PUS1: variants seen among roughly 807,000 people sequenced by gnomAD.
PUS1 encodes pseudouridine synthase 1.
A neutral mutation model predicts 38.5 loss-of-function variants in PUS1; 25 were observed. That is an observed-to-expected ratio of 0.65 (90% CI 0.47 to 0.91). The LOEUF (loss-of-function observed/expected upper bound fraction) is 0.91. PUS1 is among the 40% of genes least tolerant of loss of function. The pLI is 0.00. For synonymous variants in PUS1, 282 were observed against 260.4 expected (o/e 1.08, Z -0.80); for missense variants, 597 against 612.3 (o/e 0.97, Z 0.26).
At position 131,929,961 on chromosome 12, in the gene PUS1, C is replaced by A; in HGVS notation, c.129C>A (p.Pro43=). 6.6e-7 allele frequency: 1 copy of A among 1,516,688 alleles called. No individual in the cohort carries two copies. The allele number at this position is 1,516,688 out of a possible 1,614,324, so 94.0% of individuals were successfully genotyped here. A position where few individuals can be genotyped will look rare whatever the true frequency, so the allele number is the denominator to read the frequency against. ...CGCCGCCCGCCGGAGCCGCATGCCC[C>A]CAGGACCGGAGGTCCTGCAGCGGCC... ...AEPPPAGAAC[P]QDRRSCSGRA... is the part of the protein sequence containing the mutation. Residue 43 remains proline (P), a synonymous_variant, in exon 2 of 6, where the codon CCC becomes CCA. Transcript: ENST00000376649.
Position 131,929,966 on chromosome 12 carries a change from A to T in PUS1, c.134A>T (p.Asp45Val), listed in dbSNP as rs1890514740. Residue 45 changes from aspartate (D) to valine (V), a missense_variant, in exon 2 of 6, where the codon GAC (aspartate) becomes GTC (valine). Coordinates refer to ENST00000376649, the MANE Select transcript of PUS1 (RefSeq NM_025215.6). ...PPPAGAACPQ[D>V]RRSCSGRAGG... ...CCCGCCGGAGCCGCATGCCCCCAGG[A>T]CCGGAGGTCCTGCAGCGGCCGGGCC... 1 of 1,516,908 alleles carries T rather than the reference A, an allele frequency of 6.6e-7. No homozygotes were observed. Among genetic ancestry groups the T allele is most frequent in the Non-Finnish European group, 8.7e-7 (1 of 1,143,042 alleles). 94.0% of individuals were successfully genotyped at this position (1,516,908 alleles called of 1,614,324 possible).
rs1891070506 is a variant in PUS1, at chr12:131,941,570, G to C, written c.823G>C (p.Glu275Gln). ...GTACTGCGAGGAACCCTTTGTGCGG[G>C]AGGGCCTGGAGTTTGCGGTGATCAG... is the stretch of plus-strand genomic sequence containing the variant. ...EMYCEEPFVR[E>Q]GLEFAVIRVK... Residue 275 changes from glutamate (E) to glutamine (Q), a missense_variant, in exon 5 of 6, where the codon GAG becomes CAG. Transcript: ENST00000376649. The surrounding 1 kb of genome is among the most constrained non-coding windows in gnomAD (Gnocchi z 4.4). 6.2e-7 allele frequency: 1 copy of C among 1,614,236 alleles called. No individual in the cohort carries two copies. The highest frequency in any genetic ancestry group is 1.3e-5 in the African/African-American group (1 of 75,058).
intron 5 of PUS1, among the ~76,000 whole-genome samples, chr12:131,942,544 C>T (rs1451583077): frequency 1.3e-5 from 2 of 152,172 alleles, no homozygotes; most frequent in East Asian, 1.9e-4. Context: ...GTAGCTGGGA[C>T]TACAGGCGCC....
intron 2 of PUS1, chr12:131,931,943 CTG>C: frequency 1.6e-6 from 1 of 629,664 alleles, no homozygotes. Context: ...TCAATCAAAC[CTG>C]TGTTTTGATT....
intron 3 of PUS1, chr12:131,932,893 A>G: frequency 2.4e-6 from 1 of 422,232 alleles, no homozygotes. Flanking sequence ...TGGGCAGTTT[A>G]TAAAGAAAAG....
intron 3 of PUS1, among the ~76,000 whole-genome samples, chr12:131,935,956 A>G (rs1566143923): frequency 6.6e-6 from 1 of 152,108 alleles, no homozygotes; most frequent in African/African-American, 2.4e-5. Flanking sequence ...CACGCCTGTA[A>G]TTCCAGCACT....
In PUS1 at chr12:131,941,111, G is replaced by A. The variant is rs576347357; in HGVS notation, c.545-181G>A. On this transcript the variant is annotated intron_variant, in intron 4 of 5. Coordinates refer to ENST00000376649, the MANE Select transcript of PUS1 (RefSeq NM_025215.6). This position sits in a 1 kb window ranked among gnomAD's most constrained non-coding sequence, Gnocchi z 4.4. ...ACTGCACCTGTCCCTCCTGTCCATC[G>A]TCCTCCTGTGCCTGTTCCCCAGCCT... The A allele has an allele frequency of 1.3e-5, 8 of 619,596 alleles. No individual in the cohort carries two copies. Among genetic ancestry groups the A allele is most frequent in the East Asian group, 5.5e-5 (2 of 36,408 alleles). The allele number at this position is 619,596 out of a possible 1,614,324, so 38.4% of individuals were successfully genotyped here. A position where few individuals can be genotyped will look rare whatever the true frequency, so the allele number is the denominator to read the frequency against.
Position 131,930,116 on chromosome 12 carries a change from A to G in PUS1, c.284A>G (p.Lys95Arg). Reference protein sequence around the residue: ...KIVLLMAYSGKGYHGMQRNVG... With the variant: ...KIVLLMAYSGRGYHGMQRNVG... The stretch of plus-strand genomic sequence containing the variant: ...GTGCTGCTCATGGCCTATTCGGGCA[A>G]GGGCTACCACGGCATGCAGGTGTGG... The change falls in exon 2 of 6, where the codon AAG becomes AGG. Residue 95 changes from lysine (K) to arginine (R), a missense_variant. Coordinates refer to ENST00000376649, the MANE Select transcript of PUS1 (RefSeq NM_025215.6). The G allele has an allele frequency of 7.0e-7, 1 of 1,428,102 alleles. No individual in the cohort carries two copies. The highest frequency in any genetic ancestry group is 1.6e-5 in the South Asian group (1 of 62,172). 88.5% of individuals were successfully genotyped at this position (1,428,102 alleles called of 1,614,324 possible). A position where few individuals can be genotyped will look rare whatever the true frequency, so the allele number is the denominator to read the frequency against.
Position 131,929,960 on chromosome 12 carries a change from C to T in PUS1, c.128C>T (p.Pro43Leu). Residue 43 changes from proline to leucine, a missense_variant, in exon 2 of 6, where the codon CCC becomes CTC. Coordinates refer to ENST00000376649, the MANE Select transcript of PUS1 (RefSeq NM_025215.6). ...AEPPPAGAAC[P>L]QDRRSCSGRA... ...CCGCCGCCCGCCGGAGCCGCATGCC[C>T]CCAGGACCGGAGGTCCTGCAGCGGC... 1 of 1,515,860 alleles carries T rather than the reference C, an allele frequency of 6.6e-7. No homozygotes were observed. Among genetic ancestry groups the T allele is most frequent in the Middle Eastern group, 1.9e-4 (1 of 5,138 alleles). 93.9% of individuals were successfully genotyped at this position (1,515,860 alleles called of 1,614,324 possible). A position where few individuals can be genotyped will look rare whatever the true frequency, so the allele number is the denominator to read the frequency against.
In PUS1 at chr12:131,941,846, G is replaced by C. The variant is rs767334298; in HGVS notation, c.1099G>C (p.Ala367Pro). 37 of 1,613,908 alleles carry C rather than the reference G, an allele frequency of 2.3e-5. No individual in the cohort carries two copies. The highest frequency in any genetic ancestry group is 2.9e-5 in the Non-Finnish European group (34 of 1,180,040). Residue 367 changes from alanine (A) to proline (P), a missense_variant, in exon 5 of 6, where the codon GCC becomes CCC. By Grantham distance (27) the Ala-to-Pro change is conservative. Transcript: ENST00000376649. The surrounding 1 kb of genome is among the most constrained non-coding windows in gnomAD (Gnocchi z 4.4). ...GGCGCAGGAGGAAGGAAAGGTCGCA[G>C]CCTTCAAGGAGGAGCACATCTACCC... The part of the protein sequence containing the change: ...DWAQEEGKVA[A>P]FKEEHIYPTI...
rs1890953224 is a variant in PUS1 at position 131,939,031 on chromosome 12, A to G, written c.442-142A>G. 5.7e-6 allele frequency: 4 copies of G among 701,246 alleles called. No homozygotes were observed. In the East Asian group the frequency reaches 1.1e-4, roughly 19 times the overall value. 43.4% of individuals were successfully genotyped at this position (701,246 alleles called of 1,614,324 possible). A position where few individuals can be genotyped will look rare whatever the true frequency, so the allele number is the denominator to read the frequency against. ...ACTGGGATTACAGGCGTGAGCCACT[A>G]TGCCCGGCCCTCCAGATGCATTTTT... is the stretch of plus-strand genomic sequence containing the variant. On this transcript the variant is annotated intron_variant, in intron 3 of 5. Transcript: ENST00000376649.
In PUS1 at chr12:131,929,412, T is replaced by C. The variant is rs1365693598; in HGVS notation, c.-311T>C. On this transcript the variant is annotated 5_prime_UTR_variant, in exon 1 of 6. Coordinates refer to ENST00000376649, the MANE Select transcript of PUS1 (RefSeq NM_025215.6). ...AGGCTGGGGAAGTCAGAGGTTAACC[T>C]GGGCGTCAGGGGACGTTGGAGTTGA... The C allele has an allele frequency of 8.1e-6, 3 of 370,342 alleles. No individual in the cohort carries two copies. The highest frequency in any genetic ancestry group is 1.5e-5 in the Non-Finnish European group (3 of 206,494). 22.9% of individuals were successfully genotyped at this position (370,342 alleles called of 1,614,324 possible). A position where few individuals can be genotyped will look rare whatever the true frequency, so the allele number is the denominator to read the frequency against.
chr12:131,930,014 A>G lies in PUS1; in HGVS notation c.182A>G (p.Asp61Gly). ...GCCGGGGGCGACCGCGTCTGGGAGGACGGAGAACATCCGGCGAAGAAGCTC... is the reference window on the plus strand; with the variant it reads ...GCCGGGGGCGACCGCGTCTGGGAGGGCGGAGAACATCCGGCGAAGAAGCTC... The part of the protein sequence containing the change: ...GRAGGDRVWE[D>G]GEHPAKKLKS... The change falls in exon 2 of 6, where the codon GAC becomes GGC. Residue 61 changes from aspartate (D) to glycine (G), a missense_variant. Coordinates refer to ENST00000376649, the MANE Select transcript of PUS1 (RefSeq NM_025215.6). 1 of 1,476,962 alleles carries G rather than the reference A, an allele frequency of 6.8e-7. No homozygotes were observed. The highest frequency in any genetic ancestry group is 8.9e-7 in the Non-Finnish European group (1 of 1,120,718). 91.5% of individuals were successfully genotyped at this position (1,476,962 alleles called of 1,614,324 possible). A position where few individuals can be genotyped will look rare whatever the true frequency, so the allele number is the denominator to read the frequency against.
In PUS1 at chr12:131,941,772, A is replaced by G. The variant is rs1456455652; in HGVS notation, c.1025A>G (p.Lys342Arg). 1 of 1,613,670 alleles carries G rather than the reference A, an allele frequency of 6.2e-7. No individual in the cohort carries two copies. Residue 342 changes from lysine to arginine, a missense_variant, in exon 5 of 6, where the codon AAG (lysine) becomes AGG (arginine). Transcript: ENST00000376649. This position sits in a 1 kb window ranked among gnomAD's most constrained non-coding sequence, Gnocchi z 4.4. ...GTCCTGGAGAGGGTGCACTTCGAGA[A>G]GTACAACCAGCGCTTTGGCAACGAT... Reference protein sequence around the residue: ...GLVLERVHFEKYNQRFGNDGL... With the variant: ...GLVLERVHFERYNQRFGNDGL...
In PUS1 at chr12:131,941,618, A is replaced by T. The variant is rs779733496; in HGVS notation, c.871A>T (p.Met291Leu). Residue 291 changes from methionine to leucine, a missense_variant, in exon 5 of 6, where the codon ATG (methionine) becomes TTG (leucine). Met to Leu is a conservative substitution (Grantham distance 15). Coordinates refer to ENST00000376649, the MANE Select transcript of PUS1 (RefSeq NM_025215.6). The surrounding 1 kb of genome is among the most constrained non-coding windows in gnomAD (Gnocchi z 4.4). ...VIRVKGQSFM[M>L]HQIRKMVGLV... ...CAGGGTGAAGGGCCAGAGCTTCATG[A>T]TGCATCAGATCCGGAAGATGGTCGG... 3.1e-6 allele frequency: 5 copies of T among 1,614,200 alleles called. No individual in the cohort carries two copies. The Admixed American group carries it at 6.7e-5, about 22-fold the overall frequency.
rs1890492027 is a variant in PUS1 at position 131,929,706 on chromosome 12, G to A, written c.-17G>A. Reference sequence around the variant, plus strand: ...GTCGGGGATCAGGGCGGGGTCGGGTGCACTGGTAGCCTGCGCATGGGCCTC... The same window carrying A: ...GTCGGGGATCAGGGCGGGGTCGGGTACACTGGTAGCCTGCGCATGGGCCTC... On this transcript the variant is annotated 5_prime_UTR_variant, in exon 1 of 6. Transcript: ENST00000376649. 1.9e-6 allele frequency: 3 copies of A among 1,577,828 alleles called. No individual in the cohort carries two copies. The highest frequency in any genetic ancestry group is 1.7e-5 in the Admixed American group (1 of 57,994).
Position 131,942,070 on chromosome 12 carries a change from G to C in PUS1, c.1236+87G>C. On this transcript the variant is annotated intron_variant, in intron 5 of 5. Transcript: ENST00000376649. ...GAGGAGTGAGCTGAGGCACAGAGAAGTGTGTCACTTCCCCGCAAGGCCACA... is the reference window on the plus strand; with the variant it reads ...GAGGAGTGAGCTGAGGCACAGAGAACTGTGTCACTTCCCCGCAAGGCCACA... 9.6e-6 allele frequency: 12 copies of C among 1,246,388 alleles called. No individual in the cohort carries two copies. In the South Asian group the frequency reaches 1.3e-4, roughly 13 times the overall value. The allele number at this position is 1,246,388 out of a possible 1,614,324, so 77.2% of individuals were successfully genotyped here. A position where few individuals can be genotyped will look rare whatever the true frequency, so the allele number is the denominator to read the frequency against.
intron 3 of PUS1, among the ~76,000 whole-genome samples, chr12:131,934,096 CTT>C (rs59052126): frequency 6.6e-6 from 1 of 152,220 alleles, no homozygotes; most frequent in Admixed American, 6.5e-5. Flanking sequence ...AGATCAAAGA[CTT>C]TAATACTTTC....
rs138050795 is a variant in PUS1 at position 131,939,181 on chromosome 12, C to T, written c.450C>T (p.Ser150=). 36 of 1,557,502 alleles carry T rather than the reference C, an allele frequency of 2.3e-5. No individual in the cohort carries two copies. Among genetic ancestry groups the T allele is most frequent in the South Asian group, 4.7e-5 (4 of 84,930 alleles). ...QRCARTDKGV[S]AAGQVVSLKV... is the part of the protein sequence containing the mutation. Reference sequence around the variant, plus strand: ...TTCTGCTTTGTTTACAGGGTGTGTCCGCAGCCGGCCAGGTGGTATCCCTGA... The same window carrying T: ...TTCTGCTTTGTTTACAGGGTGTGTCTGCAGCCGGCCAGGTGGTATCCCTGA... Residue 150 remains serine (S), a synonymous_variant, in exon 4 of 6, where the codon TCC becomes TCT. Coordinates refer to ENST00000376649, the MANE Select transcript of PUS1 (RefSeq NM_025215.6).
Sources: gnomAD v4.1 joint callset for allele counts (sites outside exome capture counted in the v4.1 genomes callset) on GRCh38, gnomAD v4.1.1 for gene constraint, Gnocchi (gnomAD v3.1) non-coding constraint, MANE v1.5 for transcripts, NCBI Gene and HGNC (gene_info 2026-07-23, HGNC 2026-07-21) for gene names.